Variants in LHFPL4 observed in about 807,000 individuals in gnomAD.
The protein encoded by LHFPL4 is LHFPL tetraspan subfamily member 4.
A neutral mutation model predicts 20.0 loss-of-function variants in LHFPL4; 6 were observed. The ratio of observed to expected loss-of-function variants is 0.30; its 90% CI spans 0.16 to 0.59. The LOEUF (loss-of-function observed/expected upper bound fraction) is 0.59, where lower values mean the gene tolerates loss of function less well. Ranked by LOEUF, LHFPL4 falls within the 20% of genes least tolerant of loss-of-function variation. The probability of loss-of-function intolerance (pLI) is 0.88; values close to 1 mark genes in which losing one functional copy is unlikely to be tolerated. For synonymous variants in LHFPL4, 129 were observed against 143.8 expected, an observed-to-expected ratio of 0.90 and a Z score of 0.74; for missense variants, 215 against 331.2, an observed-to-expected ratio of 0.65 and a Z score of 2.72.
intron 2 of LHFPL4, among the ~76,000 whole-genome samples, chr3:9,514,257 ACT>A (rs2046283205): frequency 6.6e-6 from 1 of 152,108 alleles, no homozygotes; most frequent in African/African-American, 2.4e-5. Context: ...GCATAGCAAG[ACT>A]CTTGTTTCCA....
chr3:9,524,593 A>AT (rs1459661263), intron 2 of LHFPL4, among the ~76,000 whole-genome samples: 2 of 152,036 alleles, frequency 1.3e-5, no homozygotes, highest in African/African-American at 4.8e-5. Context: ...TCTAGCATTT[A>AT]TTTTTGGTCC....
intron 2 of LHFPL4, among the ~76,000 whole-genome samples, chr3:9,507,316 C>T (rs999938688): frequency 3.3e-5 from 5 of 152,068 alleles, no homozygotes; most frequent in African/African-American, 4.8e-5. Flanking sequence ...AATAGCAAAG[C>T]GATTAAGAAG....
At chr3:9,512,881 G>A (rs1369003022) in intron 2 of LHFPL4, among the ~76,000 whole-genome samples, 1 of 152,224 alleles carries the variant, frequency 6.6e-6, no homozygotes, top group Admixed American at 6.5e-5. Context: ...GCATAAAGCA[G>A]GAAGTTTCTA....
intron 2 of LHFPL4, among the ~76,000 whole-genome samples, chr3:9,551,561 C>T (rs1015828508): frequency 5.9e-5 from 9 of 152,290 alleles, no homozygotes; most frequent in South Asian, 2.1e-4. Flanking sequence ...TCAAACATTT[C>T]GGAGGGTCTC....
intron 2 of LHFPL4, among the ~76,000 whole-genome samples, chr3:9,533,397 G>A (rs2046423019): frequency 6.6e-6 from 1 of 152,224 alleles, no homozygotes; most frequent in Non-Finnish European, 1.5e-5. Context: ...ACAAACTGTG[G>A]TTACCTGCAA....
chr3:9,548,713 G>A (rs536754258), intron 2 of LHFPL4, among the ~76,000 whole-genome samples: 4 of 152,294 alleles, frequency 2.6e-5, no homozygotes, highest in African/African-American at 4.8e-5. Context: ...ATTTATCTTT[G>A]AGGGAATTGG....
chr3:9,501,476 C>G lies in LHFPL4; in HGVS notation c.*735G>C, dbSNP rs546137918. On this transcript the variant is annotated 3_prime_UTR_variant, in exon 4 of 4. Transcript: ENST00000287585. ...AGAGGAAGAGGAGGCCAGGCCAGCC[C>G]GGGCTGAGCAGCTTCTAAGCTCCAA... 2 of 152,852 alleles carry G rather than the reference C, an allele frequency of 1.3e-5. No individual in the cohort carries two copies. The highest frequency in any genetic ancestry group is 4.8e-5 in the African/African-American group (2 of 41,442). 9.5% of individuals were successfully genotyped at this position (152,852 alleles called of 1,614,324 possible).
At chr3:9,530,228 T>C (rs997686195) in intron 2 of LHFPL4, among the ~76,000 whole-genome samples, 5 of 152,182 alleles carry the variant, frequency 3.3e-5, no homozygotes, top group African/African-American at 1.2e-4. Context: ...CTAGATGGCA[T>C]CTTCTTCCAA....
At chr3:9,520,047 G>A (rs2046328291) in intron 2 of LHFPL4, among the ~76,000 whole-genome samples, 1 of 152,074 alleles carries the variant, frequency 6.6e-6, no homozygotes, top group South Asian at 2.1e-4. Flanking sequence ...AAATGATTGA[G>A]TTTAGATCTT....
intron 2 of LHFPL4, among the ~76,000 whole-genome samples, chr3:9,516,295 G>T (rs900498154): frequency 2.6e-5 from 4 of 151,770 alleles, no homozygotes; most frequent in Non-Finnish European, 5.9e-5. Flanking sequence ...TTATTATCTT[G>T]CATGTGGATA....
rs1021158648 is a variant in LHFPL4 at position 9,499,694 on chromosome 3, G to A, written c.*2517C>T. Reference sequence around the variant, plus strand: ...CCTGTGCCCCGGGCCTCCAGCCTCTGAAAGGTCAGTTCTATCCCCCGCACC... The same window carrying A: ...CCTGTGCCCCGGGCCTCCAGCCTCTAAAAGGTCAGTTCTATCCCCCGCACC... On this transcript the variant is annotated 3_prime_UTR_variant, in exon 4 of 4. Transcript: ENST00000287585. The A allele has an allele frequency of 1.3e-5, 2 of 152,616 alleles. No homozygotes were observed. The highest frequency in any genetic ancestry group is 6.5e-5 in the Admixed American group (1 of 15,290). The allele number at this position is 152,616 out of a possible 1,614,324, so 9.5% of individuals were successfully genotyped here. A position where few individuals can be genotyped will look rare whatever the true frequency, so the allele number is the denominator to read the frequency against.
At chr3:9,512,007 A>C (rs1267928112) in intron 2 of LHFPL4, among the ~76,000 whole-genome samples, 1 of 149,794 alleles carries the variant, frequency 6.7e-6, no homozygotes, top group Non-Finnish European at 1.5e-5. Flanking sequence ...ATCTCGGCTC[A>C]CCGCAAGTTC....
At chr3:9,549,030 G>T (rs1260470497) in intron 2 of LHFPL4, among the ~76,000 whole-genome samples, 1 of 152,136 alleles carries the variant, frequency 6.6e-6, no homozygotes, top group African/African-American at 2.4e-5. Context: ...TGAACATCTG[G>T]ATCTGTCCAT....
At chr3:9,528,619 T>C (rs1171187640) in intron 2 of LHFPL4, among the ~76,000 whole-genome samples, 2 of 152,148 alleles carry the variant, frequency 1.3e-5, no homozygotes, top group Non-Finnish European at 2.9e-5. Flanking sequence ...CCATTTATTA[T>C]TATTATTATT....
intron 2 of LHFPL4, among the ~76,000 whole-genome samples, chr3:9,508,668 G>A (rs924282408): frequency 1.3e-5 from 2 of 152,156 alleles, no homozygotes; most frequent in African/African-American, 4.8e-5. Context: ...AGGGGCCTGC[G>A]GAGAAGGCCT....
At chr3:9,536,917 T>A (rs1198105381) in intron 2 of LHFPL4, among the ~76,000 whole-genome samples, 12 of 136,866 alleles carry the variant, frequency 8.8e-5, no homozygotes, top group African/African-American at 3.3e-4. Flanking sequence ...AGACTCTGTC[T>A]CAAAAAAAAA....
Position 9,552,436 on chromosome 3 carries a change from T to C in LHFPL4, c.244A>G (p.Thr82Ala). The C allele has an allele frequency of 6.2e-7, 1 of 1,613,342 alleles. No homozygotes were observed. Among genetic ancestry groups the C allele is most frequent in the East Asian group, 2.2e-5 (1 of 44,826 alleles). The change falls in exon 2 of 4, where the codon ACC (threonine) becomes GCC (alanine). Residue 82 changes from threonine (T) to alanine (A), a missense_variant. Physicochemically the swap from Thr to Ala is moderately conservative, Grantham distance 58 (BLOSUM62 0). Around this residue, in one of 2 missense-constraint regions of LHFPL4, gnomAD observed 164 missense variants for 286.7 expected, o/e 0.57. Coordinates refer to ENST00000287585, the MANE Select transcript of LHFPL4 (RefSeq NM_198560.3). ...GRELTCRGSF[T>A]DFSTIPSSAF... Reference sequence around the variant, plus strand: ...CTGGACGGGATGGTGCTGAAGTCGGTGAAGGAGCCCCGGCAGGTGAGCTCG... The same window carrying C: ...CTGGACGGGATGGTGCTGAAGTCGGCGAAGGAGCCCCGGCAGGTGAGCTCG...
intron 2 of LHFPL4, among the ~76,000 whole-genome samples, chr3:9,525,793 T>G (rs2046370580): frequency 6.6e-6 from 1 of 152,192 alleles, no homozygotes; most frequent in Middle Eastern, 3.2e-3. Context: ...ATGGGAAACA[T>G]GCCAGACACT....
At chr3:9,536,791 A>G (rs905917825) in intron 2 of LHFPL4, among the ~76,000 whole-genome samples, 2 of 151,628 alleles carry the variant, frequency 1.3e-5, no homozygotes, top group Non-Finnish European at 2.9e-5. Flanking sequence ...GTGAGACCCT[A>G]TCTCTAAAAA....
Sources: gnomAD v4.1 joint callset for allele counts (sites outside exome capture counted in the v4.1 genomes callset) on GRCh38, gnomAD v4.1.1 for gene constraint, gnomAD v4.1.1 regional missense constraint, MANE v1.5 for transcripts, NCBI Gene and HGNC (gene_info 2026-07-23, HGNC 2026-07-21) for gene names.